The following KIAA1328 variants were observed in gnomAD, a reference collection of about 807,000 sequenced individuals.
The protein encoded by KIAA1328 is protein hinderin.
A neutral mutation model predicts 68.1 loss-of-function variants in KIAA1328; 52 were observed. The ratio of observed to expected loss-of-function variants is 0.76; its 90% CI spans 0.61 to 0.96. KIAA1328 has a LOEUF of 0.96. Among genes scored for constraint, KIAA1328 ranks in the 40% least tolerant of loss-of-function variants. The pLI is 0.00. For synonymous variants in KIAA1328, 232 were observed against 239.4 expected (o/e 0.97, Z 0.28); for missense variants, 641 against 677.6 (o/e 0.95, Z 0.60).
intron 1 of KIAA1328, among the ~76,000 whole-genome samples, chr18:36,833,573 A>T (rs2046570623): frequency 6.6e-6 from 1 of 152,206 alleles, no homozygotes; most frequent in Non-Finnish European, 1.5e-5. Context: ...TGATCATTCT[A>T]ACCACTGTGT....
chr18:36,856,534 G>A (rs776893335), intron 4 of KIAA1328, among the ~76,000 whole-genome samples: 3 of 151,676 alleles, frequency 2.0e-5, no homozygotes, highest in Non-Finnish European at 4.4e-5. Flanking sequence ...TTACAATTTT[G>A]TTCTCTTTAT....
chr18:36,829,416 G>T (rs755665714), intron 1 of KIAA1328: 61 of 1,338,660 alleles, frequency 4.6e-5, no homozygotes, highest in Non-Finnish European at 5.3e-5. Context: ...ACACGGCTCA[G>T]ATGCTTCCCA....
At chr18:36,835,147 G>T in intron 2 of KIAA1328, 87 bp from the exon 3 acceptor site, 1 of 1,142,830 alleles carries the variant, frequency 8.8e-7, no homozygotes, top group South Asian at 1.7e-5. Flanking sequence ...GTCCCTTAAA[G>T]TAGAGGATTC....
At chr18:36,963,695 C>A (rs1213526486) in intron 6 of KIAA1328, among the ~76,000 whole-genome samples, 1 of 152,126 alleles carries the variant, frequency 6.6e-6, no homozygotes, top group Non-Finnish European at 1.5e-5. Context: ...TTCCCACTTA[C>A]CTTGTCATGA....
chr18:37,113,052 C>T (rs1302576725), intron 7 of KIAA1328, among the ~76,000 whole-genome samples: 5 of 152,072 alleles, frequency 3.3e-5, no homozygotes, highest in Non-Finnish European at 5.9e-5. Context: ...CTGAAAGGGA[C>T]GGGGAGAATG....
intron 9 of KIAA1328, among the ~76,000 whole-genome samples, chr18:37,184,947 A>C (rs1427102218): frequency 6.6e-6 from 1 of 151,974 alleles, no homozygotes; most frequent in Non-Finnish European, 1.5e-5. Flanking sequence ...GCGGATCACG[A>C]GGTCAGGAGA....
chr18:37,024,812 A>G (rs1349688144), intron 6 of KIAA1328, among the ~76,000 whole-genome samples: 3 of 152,102 alleles, frequency 2.0e-5, no homozygotes, highest in African/African-American at 4.8e-5. Context: ...AGTCTTTGCT[A>G]TTGTGAATAG....
intron 9 of KIAA1328, among the ~76,000 whole-genome samples, chr18:37,213,552 T>G (rs1278725727): frequency 1.3e-5 from 2 of 152,230 alleles, no homozygotes; most frequent in Non-Finnish European, 2.9e-5. Flanking sequence ...CTATCATTGA[T>G]GGACATTTGG....
chr18:37,155,953 T>A (rs1178617563), intron 7 of KIAA1328, among the ~76,000 whole-genome samples: 3 of 152,242 alleles, frequency 2.0e-5, no homozygotes, highest in Non-Finnish European at 2.9e-5. Context: ...TAAGTTTGAG[T>A]ATTTCAGGAA....
At chr18:37,065,195 G>T (rs976409312) in intron 6 of KIAA1328, among the ~76,000 whole-genome samples, 8 of 152,134 alleles carry the variant, frequency 5.3e-5, no homozygotes, top group Non-Finnish European at 1.2e-4. Flanking sequence ...ATACACAGAA[G>T]ATTTTTTGGA....
intron 9 of KIAA1328, among the ~76,000 whole-genome samples, chr18:37,174,672 C>T (rs1484715527): frequency 4.0e-5 from 6 of 151,822 alleles, no homozygotes; most frequent in African/African-American, 1.5e-4. Flanking sequence ...TGGCTCACTA[C>T]AAGCTCCACC....
At chr18:37,119,912 G>A (rs1391238034) in intron 7 of KIAA1328, among the ~76,000 whole-genome samples, 3 of 152,218 alleles carry the variant, frequency 2.0e-5, no homozygotes, top group Admixed American at 6.5e-5. Context: ...AATAAAAGAA[G>A]CTCTTAGAGA....
chr18:36,982,330 C>T (rs2151377762), intron 6 of KIAA1328, among the ~76,000 whole-genome samples: 1 of 150,518 alleles, frequency 6.6e-6, no homozygotes, highest in East Asian at 1.9e-4. Context: ...CACATGTATA[C>T]CAAAGCACAT....
intron 6 of KIAA1328, among the ~76,000 whole-genome samples, chr18:37,057,091 A>G (rs971900797): frequency 6.6e-6 from 1 of 152,098 alleles, no homozygotes; most frequent in Non-Finnish European, 1.5e-5. Flanking sequence ...TCATTTGTTC[A>G]TTCATGTAGC....
intron 9 of KIAA1328, among the ~76,000 whole-genome samples, chr18:37,198,237 A>G (rs1306985700): frequency 1.3e-5 from 2 of 152,130 alleles, no homozygotes; most frequent in Non-Finnish European, 2.9e-5. Flanking sequence ...GGGCAATGAA[A>G]ATGTTCTAAA....
intron 7 of KIAA1328, among the ~76,000 whole-genome samples, chr18:37,131,759 A>G (rs1599377064): frequency 6.6e-6 from 1 of 152,242 alleles, no homozygotes; most frequent in Admixed American, 6.5e-5. Context: ...TAAATTATAT[A>G]TAACTGTTAA....
intron 4 of KIAA1328, among the ~76,000 whole-genome samples, chr18:36,859,084 A>G (rs914117064): frequency 6.6e-6 from 1 of 152,122 alleles, no homozygotes; most frequent in African/African-American, 2.4e-5. Context: ...GATATGTTGC[A>G]TAAGCAATTG....
At chr18:36,864,832 C>T (rs151041142) in intron 4 of KIAA1328, among the ~76,000 whole-genome samples, 79 of 151,924 alleles carry the variant, frequency 5.2e-4, no homozygotes, top group African/African-American at 1.8e-3. Context: ...CTTGGTTGAG[C>T]TTTGGGAGCT....
intron 4 of KIAA1328, among the ~76,000 whole-genome samples, chr18:36,879,650 T>C (rs2150961928): frequency 6.6e-6 from 1 of 152,290 alleles, no homozygotes; most frequent in Admixed American, 6.5e-5. Flanking sequence ...CCCCCAGGTG[T>C]TCTGACCCAG....
Sources: allele counts gnomAD v4.1 joint callset (sites outside exome capture counted in the v4.1 genomes callset), GRCh38; gene constraint gnomAD v4.1.1; transcripts MANE v1.5; gene names NCBI Gene and HGNC (gene_info 2026-07-23, HGNC 2026-07-21).